ERC1: variants seen among roughly 807,000 people sequenced by gnomAD.
ERC1 encodes RAB6 interacting protein 2.
ERC1 carries 56 observed loss-of-function variants against 132.0 expected under a neutral mutation model. The ratio of observed to expected loss-of-function variants is 0.42; its 90% CI spans 0.34 to 0.53. The LOEUF is 0.53. ERC1 is among the 20% of genes least tolerant of loss of function. The pLI is 0.03. For missense variants in ERC1, 1,202 were observed against 1,349.9 expected (o/e 0.89, Z 1.72); for synonymous variants, 478 against 476.1 (o/e 1.00, Z -0.05).
Position 1,343,098 on chromosome 12 carries a change from G to A in ERC1, c.2781-28735G>A, listed in dbSNP as rs566842330. Among the ~76,000 whole-genome samples, 5 of 152,282 alleles carry A rather than the reference G, an allele frequency of 3.3e-5. No homozygotes were observed. The South Asian group carries it at 6.2e-4, about 19-fold the overall frequency. ...CTTTGAAATGTTTATTAAGAAAACAGTCCTGTTTTGACAGACAGGAGTTAG... is the reference window on the plus strand; with the variant it reads ...CTTTGAAATGTTTATTAAGAAAACAATCCTGTTTTGACAGACAGGAGTTAG... On this transcript the variant is annotated intron_variant, in intron 15 of 18. Transcript: ENST00000360905.
chr12:1,225,451 C>T (rs111728550), intron 12 of ERC1, among the ~76,000 whole-genome samples: 1 of 64,592 alleles, frequency 1.5e-5, no homozygotes, highest in Non-Finnish European at 2.8e-5. Flanking sequence ...CTGTCTCTTA[C>T]ACACACACAC....
At chr12:1,367,532 G>A (rs1025557093) in intron 15 of ERC1, among the ~76,000 whole-genome samples, 18 of 152,068 alleles carry the variant, frequency 1.2e-4, no homozygotes, top group African/African-American at 4.1e-4. Context: ...ATATCACAAC[G>A]CTAATTACGG....
At chr12:1,051,268 C>G (rs1592954736) in intron 2 of ERC1, among the ~76,000 whole-genome samples, 1 of 152,154 alleles carries the variant, frequency 6.6e-6, no homozygotes, top group Non-Finnish European at 1.5e-5. Flanking sequence ...TTTTAAAACA[C>G]TCTCCTAAGG....
At chr12:1,207,068 C>CA (rs1419119143) in intron 12 of ERC1, among the ~76,000 whole-genome samples, 4 of 152,040 alleles carry the variant, frequency 2.6e-5, no homozygotes, top group Non-Finnish European at 4.4e-5. Flanking sequence ...CTTTGCCCCC[C>CA]AAAAAATCCC....
At chr12:1,168,458 A>C (rs1359850813) in intron 8 of ERC1, among the ~76,000 whole-genome samples, 1 of 149,838 alleles carries the variant, frequency 6.7e-6, no homozygotes, top group African/African-American at 2.5e-5. Flanking sequence ...TAAGCAAACA[A>C]CTTTAAATGA....
Position 1,446,615 on chromosome 12 carries a change from G to A in ERC1, c.3213+1865G>A, listed in dbSNP as rs186702901. Among the ~76,000 whole-genome samples the A allele has an allele frequency of 1.3e-3, 202 of 152,250 alleles. 1 individual carries two copies. The highest frequency in any genetic ancestry group is 3.9e-3 in the African/African-American group (161 of 41,538). ...TGTATTTAATACAGAACTTCCTGTG[G>A]TGTGATATTAAAGATGACAGTGAAA... On this transcript the variant is annotated intron_variant, in intron 18 of 18. Coordinates refer to ENST00000360905, the MANE Select transcript of ERC1 (RefSeq NM_178040.4).
rs138176477 is a variant in ERC1 at position 1,407,277 on chromosome 12, T to TTATA, written c.2926-860_2926-857dup. Among the ~76,000 whole-genome samples, 94 of 150,898 alleles carry TTATA rather than the reference T, an allele frequency of 6.2e-4. 1 individual carries two copies. Among genetic ancestry groups the TTATA allele is most frequent in the African/African-American group, 1.9e-3 (80 of 41,138 alleles). ...TATTGATGGTATAAAGAAAAGCTAT[T>TTATA]TATATATATATATATGAGAGAGAGA... is the stretch of plus-strand genomic sequence containing the variant. On this transcript the variant is annotated intron_variant, in intron 16 of 18. Transcript: ENST00000360905.
rs1338736412 is a variant in ERC1, at chr12:1,335,032, A to C, written c.2781-36801A>C. Reference sequence around the variant, plus strand: ...CATTCCTGATTTGGCTCTTGGCTTGACTGTTGGTGTAGAGGAATGCTAGTG... The same window carrying C: ...CATTCCTGATTTGGCTCTTGGCTTGCCTGTTGGTGTAGAGGAATGCTAGTG... On this transcript the variant is annotated intron_variant, in intron 15 of 18. Coordinates refer to ENST00000360905, the MANE Select transcript of ERC1 (RefSeq NM_178040.4). Among the ~76,000 whole-genome samples the C allele has an allele frequency of 4.6e-5, 7 of 151,932 alleles. No homozygotes were observed. In the East Asian group the frequency reaches 1.2e-3, roughly 25 times the overall value.
chr12:1,401,085 A>G (rs969227331), intron 16 of ERC1, among the ~76,000 whole-genome samples: 6 of 151,004 alleles, frequency 4.0e-5, no homozygotes, highest in South Asian at 4.2e-4. Flanking sequence ...ACAGACGCCC[A>G]CCGCTGCGCC....
Position 1,440,199 on chromosome 12 carries a change from C to CTT in ERC1, c.3025-4345_3025-4344dup, listed in dbSNP as rs756177628. ...TCTTTTTTAAGTTTTCTTTCTTTCT[C>CTT]TTTTTTTTTTTTTTTTTTTCCTTGA... On this transcript the variant is annotated intron_variant, in intron 17 of 18. Coordinates refer to ENST00000360905, the MANE Select transcript of ERC1 (RefSeq NM_178040.4). Among the ~76,000 whole-genome samples, 92 of 128,776 alleles carry CTT rather than the reference C, an allele frequency of 7.1e-4. 1 individual carries two copies. The highest frequency in any genetic ancestry group is 1.8e-3 in the African/African-American group (58 of 32,588). The allele number at this position is 128,776 out of a possible 152,430, so 84.5% of individuals were successfully genotyped here. A position where few individuals can be genotyped will look rare whatever the true frequency, so the allele number is the denominator to read the frequency against.
rs186931047 is a variant in ERC1, at chr12:1,032,108, C to T, written c.669+3536C>T. Reference sequence around the variant, plus strand: ...TAGCCCAGGCTGGAGTGCAGCGATGCGATCTTGGCTCACTGCAACCTCTGC... The same window carrying T: ...TAGCCCAGGCTGGAGTGCAGCGATGTGATCTTGGCTCACTGCAACCTCTGC... On this transcript the variant is annotated intron_variant, in intron 2 of 18. Transcript: ENST00000360905. 7.3e-3 allele frequency among the ~76,000 whole-genome samples: 1,092 copies of T among 150,148 alleles called. 12 individuals are homozygous for T. The highest frequency in any genetic ancestry group is 0.025 in the African/African-American group (1,037 of 40,696).
At chr12:1,350,851 C>T (rs2084930722) in intron 15 of ERC1, among the ~76,000 whole-genome samples, 1 of 152,196 alleles carries the variant, frequency 6.6e-6, no homozygotes, top group African/African-American at 2.4e-5. Context: ...CACAAAACAG[C>T]AGAGAAGGTC....
At chr12:1,377,879 A>C (rs749630272) in intron 16 of ERC1, among the ~76,000 whole-genome samples, 1 of 152,192 alleles carries the variant, frequency 6.6e-6, no homozygotes, top group Non-Finnish European at 1.5e-5. Context: ...TACCTTTTTG[A>C]AGGTTCAGTA....
chr12:1,006,700 CT>C (rs58641303), intron 1 of ERC1, among the ~76,000 whole-genome samples: 2 of 151,718 alleles, frequency 1.3e-5, no homozygotes, highest in African/African-American at 4.8e-5. Context: ...CTGGCCTTTT[CT>C]TTTTTTATTA....
At chr12:1,405,038 T>G (rs1303579054) in intron 16 of ERC1, among the ~76,000 whole-genome samples, 2 of 150,988 alleles carry the variant, frequency 1.3e-5, no homozygotes, top group African/African-American at 2.4e-5. Flanking sequence ...TACTTGGGAG[T>G]CTGAGGCAAG....
chr12:1,001,006 C>A (rs761291453), intron 1 of ERC1, among the ~76,000 whole-genome samples: 1 of 152,146 alleles, frequency 6.6e-6, no homozygotes, highest in Non-Finnish European at 1.5e-5. Flanking sequence ...CAGGTTCAAG[C>A]GATTCTCCTG....
chr12:1,180,825 A>T (rs569772324), intron 9 of ERC1, 148 bp downstream of exon 9: 8 of 935,436 alleles, frequency 8.6e-6, no homozygotes, highest in East Asian at 7.7e-5. Context: ...GAAGGGAAAC[A>T]TTTTTTTTAG....
chr12:1,320,016 T>G (rs1432539879), intron 15 of ERC1, among the ~76,000 whole-genome samples: 2 of 152,202 alleles, frequency 1.3e-5, no homozygotes, highest in African/African-American at 2.4e-5. Flanking sequence ...TTCATGGTTA[T>G]TTTTTAAAGT....
intron 7 of ERC1, 80 bp downstream of exon 7, chr12:1,116,113 G>T: frequency 7.9e-7 from 1 of 1,267,184 alleles, no homozygotes; most frequent in Non-Finnish European, 1.1e-6. Flanking sequence ...TTTTTGTTAT[G>T]TTTAGAATTG....
Sources: gnomAD v4.1 joint callset for allele counts (sites outside exome capture counted in the v4.1 genomes callset) on GRCh38, gnomAD v4.1.1 for gene constraint, MANE v1.5 for transcripts, NCBI Gene and HGNC (gene_info 2026-07-23, HGNC 2026-07-21) for gene names.